PCDHGA4: variants seen among roughly 807,000 people sequenced by gnomAD.
PCDHGA4 encodes the protein protocadherin gamma-A4.
Under a neutral mutation model 54.6 loss-of-function variants are expected in PCDHGA4, and 38 were observed. The observed-to-expected ratio is 0.70, with a 90% CI of 0.54 to 0.91. The LOEUF (loss-of-function observed/expected upper bound fraction) is 0.91. PCDHGA4 is among the 40% of genes least tolerant of loss of function. The pLI is 0.00. For missense variants in PCDHGA4, 1,298 were observed against 1,220.9 expected, an observed-to-expected ratio of 1.06 and a Z score of -0.94; for synonymous variants, 511 against 512.9, an observed-to-expected ratio of 1.00 and a Z score of 0.05.
Position 141,358,404 on chromosome 5 carries a change from C to G in PCDHGA4, c.2514+783C>G, listed in dbSNP as rs1760908931. Among the ~76,000 whole-genome samples, 4 of 152,218 alleles carry G rather than the reference C, an allele frequency of 2.6e-5. No individual in the cohort carries two copies. The South Asian group carries it at 8.3e-4, about 32-fold the overall frequency. ...CATGCTTTGCTTGAAGTTTACTTTTCCTTCCTTGAAAGGGTATTTTCCATT... is the reference window on the plus strand; with the variant it reads ...CATGCTTTGCTTGAAGTTTACTTTTGCTTCCTTGAAAGGGTATTTTCCATT... On this transcript the variant is annotated intron_variant, in intron 1 of 3. Transcript: ENST00000571252.
At chr5:141,455,860 ATTATTTAT>A (rs145569377) in intron 1 of PCDHGA4, among the ~76,000 whole-genome samples, 26,605 of 139,696 alleles carry the variant, frequency 0.19, 2,610 homozygotes, top group Middle Eastern at 0.23. Context: ...AATTTCTTTT[ATTATTTAT>A]TTATTTATTT....
Position 141,486,895 on chromosome 5 carries a change from C to T in PCDHGA4, c.2515-7912C>T, listed in dbSNP as rs1286004461. ...TCCGTCCTCGGGCCCGGCCTGGTTC[C>T]TTATGTCCCCAAGCACTGCCTCCAT... On this transcript the variant is annotated intron_variant, in intron 1 of 3. Coordinates refer to ENST00000571252, the MANE Select transcript of PCDHGA4 (RefSeq NM_018917.4). This position sits in a 1 kb window ranked among gnomAD's most constrained non-coding sequence, Gnocchi z 5.0. 3 of 1,614,134 alleles carry T rather than the reference C, an allele frequency of 1.9e-6. No homozygotes were observed. The highest frequency in any genetic ancestry group is 3.3e-5 in the Admixed American group (2 of 60,012).
intron 1 of PCDHGA4, chr5:141,400,421 G>A (rs1158396440): frequency 1.2e-6 from 2 of 1,613,948 alleles, no homozygotes. Flanking sequence ...TTCCTAAAAT[G>A]TAGTGAGCAA....
intron 1 of PCDHGA4, chr5:141,400,506 G>A (rs771674964): frequency 3.7e-6 from 6 of 1,613,830 alleles, no homozygotes; most frequent in Non-Finnish European, 5.1e-6. Context: ...CCAGCGAGTC[G>A]ACTTCCCATC....
At position 141,487,769 on chromosome 5, in the gene PCDHGA4, T is replaced by C. The variant is rs775270506; in HGVS notation, c.2515-7038T>C. Reference sequence around the variant, plus strand: ...TAACTATGTGGTAGACGCTGTGCTTTGTAACTGTTTCGTGAATTAACCAGA... The same window carrying C: ...TAACTATGTGGTAGACGCTGTGCTTCGTAACTGTTTCGTGAATTAACCAGA... On this transcript the variant is annotated intron_variant, in intron 1 of 3. Transcript: ENST00000571252. The surrounding 1 kb of genome is among the most constrained non-coding windows in gnomAD (Gnocchi z 5.0). 8 of 1,538,288 alleles carry C rather than the reference T, an allele frequency of 5.2e-6. No homozygotes were observed. The highest frequency in any genetic ancestry group is 1.2e-5 in the South Asian group (1 of 82,608).
chr5:141,496,766 CT>C (rs1361332988), intron 2 of PCDHGA4, among the ~76,000 whole-genome samples: 1 of 152,068 alleles, frequency 6.6e-6, no homozygotes, highest in Non-Finnish European at 1.5e-5. Context: ...TATCGAGCAT[CT>C]ACTATGAGCA....
chr5:141,366,139 G>GCTGT, intron 1 of PCDHGA4: 1 of 1,614,184 alleles, frequency 6.2e-7, no homozygotes, highest in East Asian at 2.2e-5. Context: ...AGAACGCCTG[G>GCTGT]CTGTCCTACC....
At chr5:141,504,517 T>C (rs1057166865) in intron 2 of PCDHGA4, among the ~76,000 whole-genome samples, 5 of 151,918 alleles carry the variant, frequency 3.3e-5, no homozygotes, top group African/African-American at 1.2e-4. Context: ...TCTCCTCTGA[T>C]ATATTTTATT....
chr5:141,423,693 G>A (rs114008539), intron 1 of PCDHGA4: 1 of 1,396,244 alleles, frequency 7.2e-7, no homozygotes, highest in Non-Finnish European at 9.4e-7. Flanking sequence ...CTAATTGTTG[G>A]TGTCTTGGCA....
chr5:141,441,883 A>T, intron 1 of PCDHGA4: 1 of 343,546 alleles, frequency 2.9e-6, no homozygotes, highest in South Asian at 2.6e-5. Context: ...CTACCTGGTC[A>T]CCAAGGTGGT....
chr5:141,383,817 A>T, intron 1 of PCDHGA4: 1 of 1,613,926 alleles, frequency 6.2e-7, no homozygotes, highest in Non-Finnish European at 8.5e-7. Context: ...CTTTAGAAGG[A>T]TTAGATTATG....
At chr5:141,409,524 A>AT (rs1357085904) in intron 1 of PCDHGA4, 9 of 1,613,854 alleles carry the variant, frequency 5.6e-6, no homozygotes, top group Non-Finnish European at 6.8e-6. Context: ...ATCACCTTGT[A>AT]TGTCGCTGAC....
chr5:141,359,162 C>T (rs1761135803), intron 1 of PCDHGA4, among the ~76,000 whole-genome samples: 1 of 152,100 alleles, frequency 6.6e-6, no homozygotes, highest in Non-Finnish European at 1.5e-5. Context: ...GATGCAGTTA[C>T]CTGGCTTGGG....
chr5:141,444,406 G>A (rs1296878411), intron 1 of PCDHGA4, among the ~76,000 whole-genome samples: 1 of 151,874 alleles, frequency 6.6e-6, no homozygotes, highest in Non-Finnish European at 1.5e-5. Context: ...CCCAACCTCA[G>A]GTGATCTTCC....
At chr5:141,371,757 G>A in intron 1 of PCDHGA4, 1 of 1,614,002 alleles carries the variant, frequency 6.2e-7, no homozygotes, top group East Asian at 2.2e-5. Flanking sequence ...TTTCCACCAG[G>A]CCTCCTACAC....
At chr5:141,383,471 A>G in intron 1 of PCDHGA4, 1 of 1,613,632 alleles carries the variant, frequency 6.2e-7, no homozygotes, top group South Asian at 1.1e-5. Flanking sequence ...GAAACTAAGT[A>G]CCCGGAACTG....
Position 141,374,601 on chromosome 5 carries a change from G to C in PCDHGA4, c.2514+16980G>C, listed in dbSNP as rs772584663. 6.1e-5 allele frequency: 98 copies of C among 1,613,558 alleles called. No homozygotes were observed. Among genetic ancestry groups the C allele is most frequent in the Non-Finnish European group, 8.1e-5 (96 of 1,179,756 alleles). ...AACTCCCTTCAGGGATTTAAGCTCA[G>C]TGGTAATAGTCACTTCTCAGTGGAC... is the stretch of plus-strand genomic sequence containing the variant. On this transcript the variant is annotated intron_variant, in intron 1 of 3. Transcript: ENST00000571252.
intron 2 of PCDHGA4, among the ~76,000 whole-genome samples, chr5:141,498,889 C>T (rs1415870992): frequency 3.4e-5 from 5 of 146,174 alleles, no homozygotes; most frequent in African/African-American, 1.3e-4. Flanking sequence ...GCTGAGATCA[C>T]ACCACTGCAC....
At position 141,404,691 on chromosome 5, in the gene PCDHGA4, G is replaced by A. The variant is rs200601931; in HGVS notation, c.2514+47070G>A. ...TCTACTGGTGTGGAGCTGGCACCCC[G>A]CTCTGCAGAGCCTGGCTACCTGGTG... is the stretch of plus-strand genomic sequence containing the variant. On this transcript the variant is annotated intron_variant, in intron 1 of 3. Transcript: ENST00000571252. 1.4e-5 allele frequency: 22 copies of A among 1,613,996 alleles called. No individual in the cohort carries two copies. The East Asian group carries it at 3.8e-4, about 28-fold the overall frequency.
Sources: allele counts gnomAD v4.1 joint callset (sites outside exome capture counted in the v4.1 genomes callset), GRCh38; gene constraint gnomAD v4.1.1; non-coding constraint Gnocchi (gnomAD v3.1); transcripts MANE v1.5; gene names NCBI Gene and HGNC (gene_info 2026-07-23, HGNC 2026-07-21).